Variants in TCERG1L observed in about 807,000 individuals in gnomAD.
TCERG1L encodes the protein transcription elongation regulator 1-like protein.
A neutral mutation model predicts 56.3 loss-of-function variants in TCERG1L; 37 were observed. That is an observed-to-expected ratio of 0.66 (90% CI 0.51 to 0.87). The LOEUF (loss-of-function observed/expected upper bound fraction) is 0.87. Among genes scored for constraint, TCERG1L ranks in the 40% least tolerant of loss-of-function variants. The pLI, the probability that TCERG1L is intolerant of heterozygous loss-of-function variation, is 0.00. For missense variants in TCERG1L, 799 were observed against 774.2 expected (o/e 1.03, Z -0.38); for synonymous variants, 324 against 326.3 (o/e 0.99, Z 0.08).
At chr10:131,192,830 T>G (rs1313173596) in intron 4 of TCERG1L, among the ~76,000 whole-genome samples, 1 of 142,914 alleles carries the variant, frequency 7.0e-6, no homozygotes, top group Non-Finnish European at 1.5e-5. Context: ...GCATACAGAG[T>G]GGCAAAATAG....
intron 6 of TCERG1L, chr10:131,156,113 C>T (rs1027450547): frequency 3.9e-5 from 6 of 152,182 alleles, no homozygotes; most frequent in African/African-American, 1.4e-4. Context: ...GCTGATGTGA[C>T]CGAGCCCCGC....
At chr10:131,208,233 C>G (rs1012626628) in intron 4 of TCERG1L, among the ~76,000 whole-genome samples, 1 of 152,238 alleles carries the variant, frequency 6.6e-6, no homozygotes, top group African/African-American at 2.4e-5. Flanking sequence ...CACCCCTCCT[C>G]CATGACGGAT....
chr10:131,095,032 G>C (rs1306362085), intron 11 of TCERG1L, among the ~76,000 whole-genome samples: 1 of 152,248 alleles, frequency 6.6e-6, no homozygotes, highest in Non-Finnish European at 1.5e-5. Flanking sequence ...TGATGCTGAT[G>C]AGCTGTGGTG....
chr10:131,232,963 A>G (rs1845868304), intron 4 of TCERG1L, among the ~76,000 whole-genome samples: 1 of 152,240 alleles, frequency 6.6e-6, no homozygotes, highest in East Asian at 1.9e-4. Flanking sequence ...AATAATTTAT[A>G]CACACTACTA....
At chr10:131,274,387 T>C (rs1158483536) in intron 3 of TCERG1L, among the ~76,000 whole-genome samples, 3 of 152,222 alleles carry the variant, frequency 2.0e-5, no homozygotes, top group African/African-American at 7.2e-5. Flanking sequence ...CTCAGCATCC[T>C]ATGGCCATGA....
chr10:131,262,172 C>A lies in TCERG1L; in HGVS notation c.671-1728G>T, dbSNP rs141333393. ...GAGCCACAGGAGGGAGCGGAGCCTG[C>A]GGAGCAGTGCAGAGGCCAGCTCTGA... On this transcript the variant is annotated intron_variant, in intron 3 of 11. Coordinates refer to ENST00000368642, the MANE Select transcript of TCERG1L (RefSeq NM_174937.4). Among the ~76,000 whole-genome samples the A allele has an allele frequency of 3.3e-4, 51 of 152,256 alleles. 1 individual carries two copies. Among genetic ancestry groups the A allele is most frequent in the African/African-American group, 1.1e-3 (46 of 41,556 alleles).
At chr10:131,222,754 T>C (rs1845747796) in intron 4 of TCERG1L, among the ~76,000 whole-genome samples, 1 of 152,160 alleles carries the variant, frequency 6.6e-6, no homozygotes, top group Admixed American at 6.5e-5. Context: ...GGCCCCTTCC[T>C]GTCCCCTCTC....
chr10:131,107,055 G>T (rs1369313354), intron 9 of TCERG1L, among the ~76,000 whole-genome samples: 1 of 140,460 alleles, frequency 7.1e-6, no homozygotes, highest in Non-Finnish European at 1.5e-5. Context: ...TCGACTGAGT[G>T]CCATTGCTGG....
At chr10:131,117,778 C>T (rs1207901676) in intron 8 of TCERG1L, among the ~76,000 whole-genome samples, 2 of 152,266 alleles carry the variant, frequency 1.3e-5, no homozygotes, top group African/African-American at 4.8e-5. Flanking sequence ...CCAACTCTCC[C>T]CCTTGCATTA....
chr10:131,189,203 A>T (rs1845280092), intron 4 of TCERG1L, among the ~76,000 whole-genome samples: 1 of 152,202 alleles, frequency 6.6e-6, no homozygotes, highest in Non-Finnish European at 1.5e-5. Flanking sequence ...TTATAAATTT[A>T]TAGGGCACAA....
chr10:131,109,945 A>G (rs995905738), intron 9 of TCERG1L, among the ~76,000 whole-genome samples: 1 of 152,224 alleles, frequency 6.6e-6, no homozygotes, highest in Non-Finnish European at 1.5e-5. Context: ...CAGATGCCTC[A>G]TCAAAATGGA....
At chr10:131,160,577 G>A (rs1257287521) in intron 6 of TCERG1L, among the ~76,000 whole-genome samples, 2 of 152,186 alleles carry the variant, frequency 1.3e-5, no homozygotes, top group African/African-American at 4.8e-5. Flanking sequence ...GACCTGCTAA[G>A]TCCTCGTCCT....
chr10:131,307,669 G>A (rs1050459005), intron 3 of TCERG1L, among the ~76,000 whole-genome samples: 2 of 152,072 alleles, frequency 1.3e-5, no homozygotes, highest in African/African-American at 4.8e-5. Flanking sequence ...ATTGTTTCAT[G>A]GGAGTCTGTT....
chr10:131,270,908 C>A (rs1336684354), intron 3 of TCERG1L, among the ~76,000 whole-genome samples: 1 of 152,164 alleles, frequency 6.6e-6, no homozygotes, highest in Admixed American at 6.5e-5. Context: ...AGGCCCCCTC[C>A]CCACACTGGC....
rs148329365 is a variant in TCERG1L at position 131,276,108 on chromosome 10, G to A, written c.671-15664C>T. 5.7e-4 allele frequency among the ~76,000 whole-genome samples: 87 copies of A among 152,264 alleles called. 1 individual carries two copies. The East Asian group carries it at 0.012, about 21-fold the overall frequency. On this transcript the variant is annotated intron_variant, in intron 3 of 11. Coordinates refer to ENST00000368642, the MANE Select transcript of TCERG1L (RefSeq NM_174937.4). ...GGCTGCTAGACAGCATTCTCCTCCTGAAAGATCTATTCAATGTGTGGCTTT... is the reference window on the plus strand; with the variant it reads ...GGCTGCTAGACAGCATTCTCCTCCTAAAAGATCTATTCAATGTGTGGCTTT...
chr10:131,177,996 G>T (rs1845126170), intron 4 of TCERG1L, among the ~76,000 whole-genome samples: 1 of 152,074 alleles, frequency 6.6e-6, no homozygotes. Context: ...TTGCCATTTT[G>T]ATGGAAGCAG....
chr10:131,250,587 C>T (rs980995918), intron 4 of TCERG1L, among the ~76,000 whole-genome samples: 5 of 152,086 alleles, frequency 3.3e-5, no homozygotes, highest in Non-Finnish European at 2.9e-5. Flanking sequence ...TGTCACTCAT[C>T]GCTTGCCTAG....
chr10:131,238,179 C>G (rs530106255), intron 4 of TCERG1L, among the ~76,000 whole-genome samples: 1 of 150,496 alleles, frequency 6.6e-6, no homozygotes, highest in Admixed American at 6.6e-5. Context: ...GCCCACAGAC[C>G]TGGGTCCGCT....
chr10:131,235,703 T>C (rs957099502), intron 4 of TCERG1L, among the ~76,000 whole-genome samples: 2 of 152,136 alleles, frequency 1.3e-5, no homozygotes, highest in African/African-American at 4.8e-5. Flanking sequence ...ATAACCCTGT[T>C]CATGCAAACC....
Sources: allele counts gnomAD v4.1 joint callset (sites outside exome capture counted in the v4.1 genomes callset), GRCh38; gene constraint gnomAD v4.1.1; transcripts MANE v1.5; gene names NCBI Gene and HGNC (gene_info 2026-07-23, HGNC 2026-07-21).